NUBPL: variants seen among roughly 807,000 people sequenced by gnomAD.
NUBPL encodes iron-sulfur cluster transfer protein NUBPL.
In NUBPL, 31 loss-of-function variants were observed where a neutral mutation model predicts 45.7. The observed-to-expected ratio is 0.68, with a 90% CI of 0.51 to 0.92. The LOEUF is 0.92. Ranked by LOEUF, NUBPL falls within the 40% of genes least tolerant of loss-of-function variation. NUBPL has a pLI of 0.00. For synonymous variants in NUBPL, 144 were observed against 140.9 expected (o/e 1.02, Z -0.15); for missense variants, 401 against 398.7 (o/e 1.01, Z -0.05).
chr14:31,622,130 G>T (rs1431228124), intron 4 of NUBPL, among the ~76,000 whole-genome samples: 1 of 152,152 alleles, frequency 6.6e-6, no homozygotes, highest in East Asian at 1.9e-4. Flanking sequence ...GTGGCATTTT[G>T]CCCCTGCCCT....
At chr14:31,586,320 C>T (rs996721160) in intron 3 of NUBPL, among the ~76,000 whole-genome samples, 3 of 151,998 alleles carry the variant, frequency 2.0e-5, no homozygotes, top group Middle Eastern at 3.2e-3. Flanking sequence ...TATATTAATA[C>T]GAGAACAGAG....
At chr14:31,776,453 G>A (rs927252282) in intron 6 of NUBPL, among the ~76,000 whole-genome samples, 2 of 152,148 alleles carry the variant, frequency 1.3e-5, no homozygotes, top group African/African-American at 4.8e-5. Context: ...ATTGCAAGTC[G>A]ACTGACAAGG....
Position 31,787,831 on chromosome 14 carries a change from G to A in NUBPL, c.565G>A (p.Gly189Arg). ...YLVVDMPPGT[G>R]DVQLSVSQNI... ...AGTTGTAGACATGCCACCAGGAACTGGAGATGTGCAGTTATCAGTCTCACA... is the reference window on the plus strand; with the variant it reads ...AGTTGTAGACATGCCACCAGGAACTAGAGATGTGCAGTTATCAGTCTCACA... Residue 189 changes from glycine (G) to arginine (R), a missense_variant, in exon 7 of 11, where the codon GGA becomes AGA. By Grantham distance (125) the Gly-to-Arg change is moderately radical (BLOSUM62 -2). Transcript: ENST00000281081. 6.2e-7 allele frequency: 1 copy of A among 1,613,224 alleles called. No individual in the cohort carries two copies. Among genetic ancestry groups the A allele is most frequent in the Non-Finnish European group, 8.5e-7 (1 of 1,179,254 alleles).
chr14:31,819,318 C>T (rs898876206), intron 7 of NUBPL, among the ~76,000 whole-genome samples: 1 of 152,140 alleles, frequency 6.6e-6, no homozygotes, highest in Non-Finnish European at 1.5e-5. Context: ...ATATTAAGAG[C>T]AGTGTGAACA....
intron 7 of NUBPL, among the ~76,000 whole-genome samples, chr14:31,810,870 C>T (rs1449853359): frequency 1.3e-5 from 2 of 152,090 alleles, no homozygotes; most frequent in South Asian, 4.2e-4. Context: ...TTCTCCTTCC[C>T]TTATGAAGCT....
At chr14:31,669,669 A>G (rs1342909306) in intron 4 of NUBPL, among the ~76,000 whole-genome samples, 1 of 151,604 alleles carries the variant, frequency 6.6e-6, no homozygotes, top group Non-Finnish European at 1.5e-5. Context: ...TTGTGTCCCT[A>G]AGTTCTTATC....
intron 6 of NUBPL, among the ~76,000 whole-genome samples, chr14:31,762,728 A>G (rs1426691412): frequency 6.6e-6 from 1 of 152,146 alleles, no homozygotes; most frequent in African/African-American, 2.4e-5. Context: ...TCTGTGGCCC[A>G]CACTGCTAAT....
rs140066048 is a variant in NUBPL at position 31,593,301 on chromosome 14, C to T, written c.292-5988C>T. On this transcript the variant is annotated intron_variant, in intron 3 of 10. Coordinates refer to ENST00000281081, the MANE Select transcript of NUBPL (RefSeq NM_025152.3). ...GGCTGAGGCGGGCGGATCACGAGGT[C>T]AGGAGATTGAGACCATCCTGGCTAA... is the stretch of plus-strand genomic sequence containing the variant. 6.4e-3 allele frequency among the ~76,000 whole-genome samples: 971 copies of T among 151,974 alleles called. 10 individuals carry two copies. Among genetic ancestry groups the T allele is most frequent in the African/African-American group, 0.022 (908 of 41,470 alleles).
At chr14:31,802,310 T>C (rs1001767674) in intron 7 of NUBPL, among the ~76,000 whole-genome samples, 9 of 151,600 alleles carry the variant, frequency 5.9e-5, no homozygotes, top group African/African-American at 2.2e-4. Flanking sequence ...AGAGTCTTGC[T>C]CTGTCACCAG....
At chr14:31,567,155 C>T (rs188110122) in intron 3 of NUBPL, among the ~76,000 whole-genome samples, 1 of 152,178 alleles carries the variant, frequency 6.6e-6, no homozygotes, top group East Asian at 1.9e-4. Context: ...ACTTTGAAAA[C>T]AACATACCGT....
intron 4 of NUBPL, among the ~76,000 whole-genome samples, chr14:31,640,154 C>G (rs981280249): frequency 9.2e-5 from 14 of 152,164 alleles, no homozygotes; most frequent in African/African-American, 3.4e-4. Flanking sequence ...GATGGAAATG[C>G]AGAAATCACC....
chr14:31,744,690 C>T (rs1447535988), intron 6 of NUBPL, among the ~76,000 whole-genome samples: 4 of 142,960 alleles, frequency 2.8e-5, no homozygotes, highest in African/African-American at 5.2e-5. Context: ...GGCACAATCT[C>T]GGCTCACTGC....
At chr14:31,651,178 G>A (rs1210050766) in intron 4 of NUBPL, among the ~76,000 whole-genome samples, 1 of 151,986 alleles carries the variant, frequency 6.6e-6, no homozygotes, top group Non-Finnish European at 1.5e-5. Flanking sequence ...TGTTGCCCAT[G>A]CTGGAGTGCA....
intron 4 of NUBPL, among the ~76,000 whole-genome samples, chr14:31,638,584 G>A (rs916799064): frequency 2.0e-5 from 3 of 151,926 alleles, no homozygotes; most frequent in East Asian, 1.9e-4. Flanking sequence ...TGCTCTTCTC[G>A]AGGAGTATCT....
chr14:31,657,784 T>C (rs2036175493), intron 4 of NUBPL, among the ~76,000 whole-genome samples: 1 of 152,214 alleles, frequency 6.6e-6, no homozygotes, highest in South Asian at 2.1e-4. Flanking sequence ...TATGTATTGC[T>C]AGTGAGTTTT....
In NUBPL at chr14:31,820,038, G is replaced by T. The variant is rs1266791950; in HGVS notation, c.608-6591G>T. Among the ~76,000 whole-genome samples, 3 of 151,578 alleles carry T rather than the reference G, an allele frequency of 2.0e-5. No homozygotes were observed. In the East Asian group the frequency reaches 5.8e-4, roughly 30 times the overall value. On this transcript the variant is annotated intron_variant, in intron 7 of 10. Transcript: ENST00000281081. ...GCCTGTAGTCCCAGCTACTCAGGAG[G>T]CTGAGGCAGGAGAATGGCATGAACC...
chr14:31,677,968 C>T (rs2036740398), intron 6 of NUBPL, among the ~76,000 whole-genome samples: 1 of 152,216 alleles, frequency 6.6e-6, no homozygotes, highest in South Asian at 2.1e-4. Flanking sequence ...CCTTAGAAGT[C>T]TACCTGGTGT....
Position 31,797,930 on chromosome 14 carries a change from G to T in NUBPL, c.607+10057G>T, listed in dbSNP as rs1467273933. ...CAGGAGCTCTTTTAGGGCAGGCCTG[G>T]TGGTGACAAAATCTCTCAGCATTTG... is the stretch of plus-strand genomic sequence containing the variant. On this transcript the variant is annotated intron_variant, in intron 7 of 10. Coordinates refer to ENST00000281081, the MANE Select transcript of NUBPL (RefSeq NM_025152.3). 7.3e-4 allele frequency among the ~76,000 whole-genome samples: 102 copies of T among 140,128 alleles called. 1 individual carries two copies. The highest frequency in any genetic ancestry group is 2.5e-3 in the East Asian group (12 of 4,780). 91.9% of individuals were successfully genotyped at this position (140,128 alleles called of 152,430 possible). A position where few individuals can be genotyped will look rare whatever the true frequency, so the allele number is the denominator to read the frequency against.
chr14:31,838,279 C>CAAAAAAAAAAAAAAAAAAAAAAA (rs748313330), intron 8 of NUBPL, among the ~76,000 whole-genome samples: 5 of 60,262 alleles, frequency 8.3e-5, no homozygotes, highest in African/African-American at 2.0e-4. Context: ...TAATATCCAG[C>CAAAAAAAAAAAAAAAAAAAAAAA]AAAAAAAAAA....
Sources: allele counts gnomAD v4.1 joint callset (sites outside exome capture counted in the v4.1 genomes callset), GRCh38; gene constraint gnomAD v4.1.1; transcripts MANE v1.5; gene names NCBI Gene and HGNC (gene_info 2026-07-23, HGNC 2026-07-21).